The following RORA variants were observed in gnomAD, a reference collection of about 807,000 sequenced individuals.
The protein encoded by RORA is nuclear receptor ROR-alpha.
Under a neutral mutation model 69.5 loss-of-function variants are expected in RORA, and 7 were observed. The ratio of observed to expected loss-of-function variants is 0.10; its 90% confidence interval spans 0.06 to 0.19. The LOEUF is 0.19. RORA is among the 10% of genes least tolerant of loss of function. The probability of loss-of-function intolerance (pLI) is 1.00; values close to 1 mark genes in which losing one functional copy is unlikely to be tolerated. For missense variants in RORA, 457 were observed against 663.0 expected (o/e 0.69, Z 3.41); for synonymous variants, 261 against 240.8 (o/e 1.08, Z -0.78).
At chr15:61,200,419 C>G (rs778075244) in intron 1 of RORA, among the ~76,000 whole-genome samples, 1 of 152,132 alleles carries the variant, frequency 6.6e-6, no homozygotes, top group Non-Finnish European at 1.5e-5. Context: ...CTTTCTGGAA[C>G]ATAGAGTCAC....
At chr15:60,835,495 T>C (rs1234270259) in intron 1 of RORA, among the ~76,000 whole-genome samples, 1 of 152,170 alleles carries the variant, frequency 6.6e-6, no homozygotes, top group African/African-American at 2.4e-5. Context: ...AGCCAGGAGA[T>C]ATACCTAAAA....
At chr15:61,084,509 T>C (rs570912705) in intron 1 of RORA, among the ~76,000 whole-genome samples, 9 of 152,346 alleles carry the variant, frequency 5.9e-5, no homozygotes, top group African/African-American at 2.2e-4. Flanking sequence ...TAGTTAACAC[T>C]TTCCTGTGGG....
chr15:61,046,353 T>G (rs905524894), intron 1 of RORA, among the ~76,000 whole-genome samples: 1 of 152,194 alleles, frequency 6.6e-6, no homozygotes, highest in Non-Finnish European at 1.5e-5. Context: ...TTCTCAGCTT[T>G]GATAATTGTC....
intron 1 of RORA, among the ~76,000 whole-genome samples, chr15:60,913,321 C>T (rs957226728): frequency 6.6e-6 from 1 of 152,214 alleles, no homozygotes; most frequent in East Asian, 1.9e-4. Flanking sequence ...CTCCCAGTTA[C>T]ACCTCTGGTT....
chr15:60,908,129 G>T (rs563205688), intron 1 of RORA, among the ~76,000 whole-genome samples: 1 of 152,294 alleles, frequency 6.6e-6, no homozygotes, highest in South Asian at 2.1e-4. Flanking sequence ...AGTGCCTTCT[G>T]CAGTTTAGTT....
intron 3 of RORA, among the ~76,000 whole-genome samples, chr15:60,527,860 A>ACTGCC (rs1345656299): frequency 6.6e-6 from 1 of 152,078 alleles, no homozygotes; most frequent in African/African-American, 2.4e-5. Context: ...TACAACCAAG[A>ACTGCC]CTGCCCTTTT....
intron 2 of RORA, chr15:60,650,494 C>G (rs1237945857): frequency 6.6e-6 from 1 of 152,150 alleles, no homozygotes; most frequent in African/African-American, 2.4e-5. Context: ...TTTCCAAACA[C>G]CTTTCAAACC....
chr15:60,640,037 C>T (rs868147455), intron 2 of RORA, among the ~76,000 whole-genome samples: 3 of 152,080 alleles, frequency 2.0e-5, no homozygotes, highest in Non-Finnish European at 2.9e-5. Context: ...GGGTTGGCAT[C>T]CCAGCTTTAT....
Position 60,892,515 on chromosome 15 carries a change from A to G in RORA, c.167-213829T>C, listed in dbSNP as rs531757624. The stretch of plus-strand genomic sequence containing the variant: ...AGTCCCCGCCTTTATGCTTTTTTTA[A>G]GTGAGCACTGTTGGTACCACCAGTG... On this transcript the variant is annotated intron_variant, in intron 1 of 10. Transcript: ENST00000335670. 4.6e-5 allele frequency among the ~76,000 whole-genome samples: 7 copies of G among 152,266 alleles called. 1 individual carries two copies. Among genetic ancestry groups the G allele is most frequent in the Admixed American group, 4.6e-4 (7 of 15,296 alleles).
intron 1 of RORA, among the ~76,000 whole-genome samples, chr15:60,680,598 C>T (rs2070628789): frequency 6.6e-6 from 1 of 151,926 alleles, no homozygotes; most frequent in Admixed American, 6.5e-5. Context: ...CACAATCTCT[C>T]GGTCCCTCAG....
intron 2 of RORA, among the ~76,000 whole-genome samples, chr15:60,609,024 C>G (rs1294418818): frequency 1.3e-5 from 2 of 152,112 alleles, no homozygotes; most frequent in African/African-American, 4.8e-5. Context: ...AGTTATGTCT[C>G]TTCATTTTTA....
At chr15:60,666,149 C>T (rs1269573689) in intron 2 of RORA, among the ~76,000 whole-genome samples, 1 of 148,680 alleles carries the variant, frequency 6.7e-6, no homozygotes, top group Non-Finnish European at 1.5e-5. Context: ...CTGTTAAGCC[C>T]AAGGGATACA....
At chr15:60,558,269 A>C (rs2067427726) in intron 2 of RORA, 2 of 1,612,522 alleles carry the variant, frequency 1.2e-6, no homozygotes, top group Non-Finnish European at 1.7e-6. Flanking sequence ...GACAGGATAC[A>C]CTGATGGAGT....
At chr15:61,179,704 T>A (rs767108303) in intron 1 of RORA, among the ~76,000 whole-genome samples, 1 of 152,210 alleles carries the variant, frequency 6.6e-6, no homozygotes, top group Non-Finnish European at 1.5e-5. Flanking sequence ...GACAAACTGA[T>A]GGATTAAAGG....
intron 2 of RORA, among the ~76,000 whole-genome samples, chr15:60,603,650 T>A (rs2068872105): frequency 6.6e-6 from 1 of 152,260 alleles, no homozygotes; most frequent in African/African-American, 2.4e-5. Flanking sequence ...TTATTTAGTA[T>A]GTATTGTTGA....
At chr15:60,923,360 C>A (rs1892107840) in intron 1 of RORA, among the ~76,000 whole-genome samples, 1 of 152,222 alleles carries the variant, frequency 6.6e-6, no homozygotes, top group Non-Finnish European at 1.5e-5. Flanking sequence ...TTTTATTCAT[C>A]TGTGTATTCC....
chr15:60,524,873 C>T (rs7170405), intron 3 of RORA, among the ~76,000 whole-genome samples: 2,558 of 152,292 alleles, frequency 0.017, 78 homozygotes, highest in African/African-American at 0.059. Flanking sequence ...TGTATATCTG[C>T]TTTACAAATG....
intron 1 of RORA, among the ~76,000 whole-genome samples, chr15:60,911,186 C>T (rs1891705658): frequency 6.7e-6 from 1 of 148,756 alleles, no homozygotes; most frequent in Admixed American, 6.8e-5. Flanking sequence ...TCACCTGCCT[C>T]AGCCTCCCAA....
chr15:61,202,596 C>T (rs985977438), intron 1 of RORA, among the ~76,000 whole-genome samples: 1 of 152,086 alleles, frequency 6.6e-6, no homozygotes, highest in African/African-American at 2.4e-5. Flanking sequence ...CTCATAGGAG[C>T]AGGAGATGAG....
Sources: gnomAD v4.1 joint callset for allele counts (sites outside exome capture counted in the v4.1 genomes callset) on GRCh38, gnomAD v4.1.1 for gene constraint, MANE v1.5 for transcripts, NCBI Gene and HGNC (gene_info 2026-07-23, HGNC 2026-07-21) for gene names.